The following CPD variants were observed in gnomAD, a reference collection of about 807,000 sequenced individuals.
CPD encodes the protein carboxypeptidase D.
In CPD, 69 loss-of-function variants were observed where a neutral mutation model predicts 138.3. The ratio of observed to expected loss-of-function variants is 0.50; its 90% CI spans 0.41 to 0.61. The LOEUF (loss-of-function observed/expected upper bound fraction) is 0.61. Among genes scored for constraint, CPD ranks in the 20% least tolerant of loss-of-function variants. The pLI is 0.00. For synonymous variants in CPD, 651 were observed against 642.1 expected (o/e 1.01, Z -0.21); for missense variants, 1,432 against 1,733.3 (o/e 0.83, Z 3.09).
rs547519680 is a variant in CPD, at chr17:30,429,054, A to G, written c.2017+1496A>G. Among the ~76,000 whole-genome samples the G allele has an allele frequency of 2.8e-4, 43 of 152,298 alleles. 1 individual carries two copies. The highest frequency in any genetic ancestry group is 9.6e-4 in the African/African-American group (40 of 41,566). Reference sequence around the variant, plus strand: ...ATGGATATTTAGATTTAGGAGGTTAATTGAGATTCTCCAAAAATTGCTTTG... The same window carrying G: ...ATGGATATTTAGATTTAGGAGGTTAGTTGAGATTCTCCAAAAATTGCTTTG... On this transcript the variant is annotated intron_variant, in intron 7 of 20. Coordinates refer to ENST00000225719, the MANE Select transcript of CPD (RefSeq NM_001304.5).
At chr17:30,454,622 G>T (rs1913244040) in intron 14 of CPD, 1 of 153,258 alleles carries the variant, frequency 6.5e-6, no homozygotes, top group Non-Finnish European at 1.4e-5. Flanking sequence ...ACATTTTTGG[G>T]TATCTTTTCA....
At chr17:30,395,520 G>A (rs1911480227) in intron 2 of CPD, among the ~76,000 whole-genome samples, 1 of 152,092 alleles carries the variant, frequency 6.6e-6, no homozygotes, top group African/African-American at 2.4e-5. Context: ...GTAAATTGAA[G>A]CATAACCTAG....
intron 2 of CPD, among the ~76,000 whole-genome samples, chr17:30,419,586 C>G (rs1171368412): frequency 6.6e-6 from 1 of 152,176 alleles, no homozygotes; most frequent in Non-Finnish European, 1.5e-5. Context: ...GGCAATCTGC[C>G]CGCCTCCACC....
intron 2 of CPD, among the ~76,000 whole-genome samples, chr17:30,400,141 G>C (rs1329342377): frequency 6.6e-6 from 1 of 151,996 alleles, no homozygotes; most frequent in African/African-American, 2.4e-5. Flanking sequence ...GTTATGTTTG[G>C]ATTTAGGTCT....
At chr17:30,428,606 A>T (rs1409828583) in intron 7 of CPD, among the ~76,000 whole-genome samples, 2 of 152,168 alleles carry the variant, frequency 1.3e-5, no homozygotes, top group Non-Finnish European at 2.9e-5. Context: ...GTGCATGATT[A>T]TTATTTTTTT....
intron 2 of CPD, among the ~76,000 whole-genome samples, chr17:30,407,459 A>G (rs551764914): frequency 6.6e-6 from 1 of 152,294 alleles, no homozygotes; most frequent in East Asian, 1.9e-4. Context: ...CAGTTTCTCT[A>G]CATCGTCTCC....
chr17:30,442,675 T>G (rs1444541209), intron 10 of CPD, among the ~76,000 whole-genome samples: 1 of 152,072 alleles, frequency 6.6e-6, no homozygotes, highest in Non-Finnish European at 1.5e-5. Flanking sequence ...TTGAAGAAAA[T>G]GATTGAACAA....
Position 30,411,672 on chromosome 17 carries a change from G to A in CPD, c.995-9169G>A, listed in dbSNP as rs909807667. ...ATTGGCTATTGAAGCTTGTGCATGC[G>A]TCATGAAGTTCTCGTACTGTGGTTT... is the stretch of plus-strand genomic sequence containing the variant. On this transcript the variant is annotated intron_variant, in intron 2 of 20. Coordinates refer to ENST00000225719, the MANE Select transcript of CPD (RefSeq NM_001304.5). Among the ~76,000 whole-genome samples the A allele has an allele frequency of 4.6e-5, 7 of 152,142 alleles. No homozygotes were observed. In the South Asian group the frequency reaches 6.2e-4, roughly 14 times the overall value.
At chr17:30,434,091 T>A (rs1381112509) in intron 8 of CPD, among the ~76,000 whole-genome samples, 1 of 152,192 alleles carries the variant, frequency 6.6e-6, no homozygotes, top group African/African-American at 2.4e-5. Flanking sequence ...AGTTTCTTTA[T>A]TTTTACTCTT....
chr17:30,388,802 G>A (rs1911266432), intron 2 of CPD, among the ~76,000 whole-genome samples: 1 of 152,172 alleles, frequency 6.6e-6, no homozygotes, highest in Non-Finnish European at 1.5e-5. Context: ...CTTCCCTGTT[G>A]CCCTGGGGCT....
At chr17:30,386,112 C>T (rs942235294) in intron 2 of CPD, among the ~76,000 whole-genome samples, 1 of 152,124 alleles carries the variant, frequency 6.6e-6, no homozygotes. Context: ...TCACTGTAAT[C>T]ACAAGCTCCT....
intron 7 of CPD, among the ~76,000 whole-genome samples, chr17:30,430,592 G>A (rs1307581847): frequency 6.6e-6 from 1 of 152,116 alleles, no homozygotes; most frequent in Non-Finnish European, 1.5e-5. Context: ...TGACTACAAT[G>A]AAAAATGCTT....
At chr17:30,393,362 A>G (rs1489922404) in intron 2 of CPD, among the ~76,000 whole-genome samples, 2 of 152,246 alleles carry the variant, frequency 1.3e-5, no homozygotes, top group African/African-American at 4.8e-5. Flanking sequence ...GATTTGGTCC[A>G]GAAATGGACC....
chr17:30,418,569 A>G (rs867978384), intron 2 of CPD, among the ~76,000 whole-genome samples: 1 of 152,164 alleles, frequency 6.6e-6, no homozygotes, highest in African/African-American at 2.4e-5. Context: ...GTGGTAAAGT[A>G]TACATAATAT....
chr17:30,431,932 A>G (rs756703677), intron 8 of CPD, 51 bp downstream of exon 8: 3 of 1,271,814 alleles, frequency 2.4e-6, no homozygotes, highest in Non-Finnish European at 3.4e-6. Context: ...CTTTTATTTA[A>G]AAATATGCTT....
intron 20 of CPD, 49 bp downstream of exon 20, chr17:30,462,518 A>G (rs780387563): frequency 2.2e-6 from 3 of 1,362,090 alleles, no homozygotes; most frequent in Admixed American, 1.7e-5. Flanking sequence ...CAATCTTGAC[A>G]TTTCAATATG....
rs555718599 is a variant in CPD, at chr17:30,466,404, A to G, written c.*1590A>G. The G allele has an allele frequency of 1.3e-5, 2 of 152,676 alleles. No homozygotes were observed. The highest frequency in any genetic ancestry group is 4.1e-4 in the South Asian group (2 of 4,822). 9.5% of individuals were successfully genotyped at this position (152,676 alleles called of 1,614,324 possible). On this transcript the variant is annotated 3_prime_UTR_variant, in exon 21 of 21. Coordinates refer to ENST00000225719, the MANE Select transcript of CPD (RefSeq NM_001304.5). ...ATTCAAAGTGGCTTTATAAAAGAAG[A>G]TTTTCTTTAGCAAGAATAATGAGGT... is the stretch of plus-strand genomic sequence containing the variant.
At chr17:30,394,949 A>G (rs1167003946) in intron 2 of CPD, among the ~76,000 whole-genome samples, 1 of 151,690 alleles carries the variant, frequency 6.6e-6, no homozygotes, top group East Asian at 1.9e-4. Context: ...AAGAGGAGTG[A>G]AAACTGGAAA....
At position 30,431,836 on chromosome 17, in the gene CPD, A is replaced by C. The variant is rs993986660; in HGVS notation, c.2082A>C (p.Ser694=). 3 of 1,613,012 alleles carry C rather than the reference A, an allele frequency of 1.9e-6. No individual in the cohort carries two copies. The African/African-American group carries it at 4.0e-5, about 22-fold the overall frequency. ...DEQGLATYSK[S]PDDAVFQQIA... ...AAGGACTTGCCACATATAGTAAATC[A>C]CCAGATGATGCTGTGTTCCAACAAA... is the stretch of plus-strand genomic sequence containing the variant. Residue 694 remains serine (S), a synonymous_variant, in exon 8 of 21, where the codon TCA becomes TCC. Coordinates refer to ENST00000225719, the MANE Select transcript of CPD (RefSeq NM_001304.5).
Sources: gnomAD v4.1 joint callset for allele counts (sites outside exome capture counted in the v4.1 genomes callset) on GRCh38, gnomAD v4.1.1 for gene constraint, MANE v1.5 for transcripts, NCBI Gene and HGNC (gene_info 2026-07-23, HGNC 2026-07-21) for gene names.